ELMO1: variants seen among roughly 807,000 people sequenced by gnomAD.
ELMO1 encodes engulfment and cell motility 1, also known as engulfment and cell motility protein 1.
In ELMO1, 26 loss-of-function variants were observed where a neutral mutation model predicts 98.9. That is an observed-to-expected ratio of 0.26 (90% confidence interval 0.19 to 0.36). The LOEUF is 0.36. Among genes scored for constraint, ELMO1 ranks in the 10% least tolerant of loss-of-function variants. The pLI is 1.00. For missense variants in ELMO1, 627 were observed against 935.2 expected (o/e 0.67, Z 4.30); for synonymous variants, 346 against 346.0 (o/e 1.00, Z 0.00).
At chr7:36,962,714 A>C (rs1562859924) in intron 16 of ELMO1, among the ~76,000 whole-genome samples, 1 of 152,100 alleles carries the variant, frequency 6.6e-6, no homozygotes, top group Non-Finnish European at 1.5e-5. Context: ...GGAAATCTAA[A>C]ATTCATGAGC....
intron 15 of ELMO1, among the ~76,000 whole-genome samples, chr7:37,087,461 G>A (rs115728298): frequency 0.031 from 4,656 of 151,856 alleles, 139 homozygotes; most frequent in African/African-American, 0.08. Context: ...AATGATAAGA[G>A]TGTGTCCTAG....
intron 7 of ELMO1, among the ~76,000 whole-genome samples, chr7:37,241,721 CTACT>C (rs931481414): frequency 6.6e-6 from 1 of 152,026 alleles, no homozygotes; most frequent in Non-Finnish European, 1.5e-5. Flanking sequence ...ATATTAATGT[CTACT>C]TAAACGGAAG....
intron 15 of ELMO1, among the ~76,000 whole-genome samples, chr7:37,019,699 G>A (rs1027273921): frequency 6.6e-6 from 1 of 152,210 alleles, no homozygotes; most frequent in African/African-American, 2.4e-5. Flanking sequence ...ATGAAATTTA[G>A]AGAGACACTT....
At chr7:36,863,954 G>A (rs75860722) in intron 20 of ELMO1, among the ~76,000 whole-genome samples, 5,829 of 152,272 alleles carry the variant, frequency 0.038, 266 homozygotes, top group East Asian at 0.24. Flanking sequence ...TCTGACTCAT[G>A]CTTGAGAGAT....
intron 16 of ELMO1, among the ~76,000 whole-genome samples, chr7:36,988,135 A>G (rs189800555): frequency 1.9e-4 from 29 of 152,290 alleles, no homozygotes; most frequent in Non-Finnish European, 3.1e-4. Flanking sequence ...TTATGCCACT[A>G]AGTGTAGGAA....
chr7:36,888,777 G>A (rs1805270506), intron 17 of ELMO1, among the ~76,000 whole-genome samples: 2 of 152,206 alleles, frequency 1.3e-5, no homozygotes, highest in African/African-American at 4.8e-5. Context: ...ACATTCATCA[G>A]CTTCCACCTT....
chr7:37,166,885 G>T lies in ELMO1; in HGVS notation c.1087-33651C>A, dbSNP rs1038857225. On this transcript the variant is annotated intron_variant, in intron 13 of 21. Coordinates refer to ENST00000310758, the MANE Select transcript of ELMO1 (RefSeq NM_014800.11). ...GGTGGAGAGCTGAGTTCAATTCCTG[G>T]ATATCCTTGTTAACTTTCTATCTCG... Among the ~76,000 whole-genome samples, 33 of 152,206 alleles carry T rather than the reference G, an allele frequency of 2.2e-4. 1 individual carries two copies. The Middle Eastern group carries it at 0.017, about 78-fold the overall frequency.
chr7:37,207,266 C>G (rs1418007718), intron 13 of ELMO1, among the ~76,000 whole-genome samples: 1 of 152,180 alleles, frequency 6.6e-6, no homozygotes, highest in Non-Finnish European at 1.5e-5. Flanking sequence ...ATAGCATTAT[C>G]CCGGCAGGGC....
At chr7:37,084,683 A>G (rs1386500499) in intron 15 of ELMO1, among the ~76,000 whole-genome samples, 1 of 151,844 alleles carries the variant, frequency 6.6e-6, no homozygotes, top group Non-Finnish European at 1.5e-5. Context: ...CTTATTATTG[A>G]CTCTGGGAAT....
intron 15 of ELMO1, among the ~76,000 whole-genome samples, chr7:37,091,964 C>A (rs367704857): frequency 4.6e-5 from 7 of 152,078 alleles, no homozygotes; most frequent in African/African-American, 1.4e-4. Context: ...TCCTATAACA[C>A]GTGGGAATTA....
At chr7:37,260,055 T>G (rs1241719957) in intron 5 of ELMO1, among the ~76,000 whole-genome samples, 1 of 152,212 alleles carries the variant, frequency 6.6e-6, no homozygotes, top group Non-Finnish European at 1.5e-5. Flanking sequence ...CGAAATATAT[T>G]AGAGAAGCTG....
chr7:36,912,157 A>G lies in ELMO1; in HGVS notation c.1438-17140T>C, dbSNP rs983459090. ...CTTGCTGGCATTTATTTAAAGTGTT[A>G]AATTGTGAGAAAGATGAAATCTGGG... On this transcript the variant is annotated intron_variant, in intron 16 of 21. Coordinates refer to ENST00000310758, the MANE Select transcript of ELMO1 (RefSeq NM_014800.11). Among the ~76,000 whole-genome samples the G allele has an allele frequency of 2.0e-5, 3 of 152,326 alleles. No homozygotes were observed. In the East Asian group the frequency reaches 5.8e-4, roughly 29 times the overall value.
intron 1 of ELMO1, among the ~76,000 whole-genome samples, chr7:37,357,927 G>A: frequency 6.6e-6 from 1 of 152,240 alleles, no homozygotes; most frequent in East Asian, 1.9e-4. Context: ...AATAAGATCT[G>A]AGGTGCTGAA....
chr7:37,031,010 C>T (rs1794849320), intron 15 of ELMO1, among the ~76,000 whole-genome samples: 1 of 152,170 alleles, frequency 6.6e-6, no homozygotes, highest in South Asian at 2.1e-4. Flanking sequence ...TCCATCTCAG[C>T]TATTTTTGCT....
At chr7:37,083,118 T>C (rs1783565586) in intron 15 of ELMO1, among the ~76,000 whole-genome samples, 1 of 152,186 alleles carries the variant, frequency 6.6e-6, no homozygotes, top group African/African-American at 2.4e-5. Flanking sequence ...CTAGAGCTGC[T>C]TGGTAGTGGA....
At chr7:37,281,678 G>A (rs920049425) in intron 4 of ELMO1, among the ~76,000 whole-genome samples, 2 of 152,186 alleles carry the variant, frequency 1.3e-5, no homozygotes, top group Non-Finnish European at 2.9e-5. Context: ...TAATTCTGAT[G>A]CAAAATGAAG....
chr7:36,897,087 G>A (rs1192024553), intron 16 of ELMO1, among the ~76,000 whole-genome samples: 2 of 152,224 alleles, frequency 1.3e-5, no homozygotes, highest in African/African-American at 2.4e-5. Context: ...TTAAGGGGCT[G>A]TCACAGAGAT....
At position 36,987,963 on chromosome 7, in the gene ELMO1, G is replaced by T. The variant is rs533749022; in HGVS notation, c.1437+25336C>A. Among the ~76,000 whole-genome samples, 13 of 152,274 alleles carry T rather than the reference G, an allele frequency of 8.5e-5. No individual in the cohort carries two copies. In the East Asian group the frequency reaches 2.5e-3, roughly 29 times the overall value. ...ATTAAAGATGGGGTTTCACCATGTT[G>T]GACAGGCTGGTCTCAAACTCCTGAC... is the stretch of plus-strand genomic sequence containing the variant. On this transcript the variant is annotated intron_variant, in intron 16 of 21. Coordinates refer to ENST00000310758, the MANE Select transcript of ELMO1 (RefSeq NM_014800.11).
chr7:37,131,902 C>T (rs1786945658), intron 14 of ELMO1, among the ~76,000 whole-genome samples: 1 of 152,166 alleles, frequency 6.6e-6, no homozygotes, highest in South Asian at 2.1e-4. Flanking sequence ...CTAAAGAGAA[C>T]TCAGTGATCT....
Sources: allele counts gnomAD v4.1 joint callset (sites outside exome capture counted in the v4.1 genomes callset), GRCh38; gene constraint gnomAD v4.1.1; transcripts MANE v1.5; gene names NCBI Gene and HGNC (gene_info 2026-07-23, HGNC 2026-07-21).